Variants in SSBP2 observed in about 807,000 individuals in gnomAD.
SSBP2 encodes single-stranded DNA-binding protein 2.
Under a neutral mutation model 61.8 loss-of-function variants are expected in SSBP2, and 17 were observed. The ratio of observed to expected loss-of-function variants is 0.28; its 90% CI spans 0.19 to 0.41. SSBP2 has a LOEUF of 0.41. Among genes scored for constraint, SSBP2 ranks in the 10% least tolerant of loss-of-function variants. The pLI is 1.00. For synonymous variants in SSBP2, 139 were observed against 141.3 expected (o/e 0.98, Z 0.12); for missense variants, 310 against 458.7 (o/e 0.68, Z 2.96).
chr5:81,710,871 G>A (rs1196143894), intron 1 of SSBP2: 2 of 235,776 alleles, frequency 8.5e-6, no homozygotes, highest in Non-Finnish European at 8.7e-6. Context: ...AAAGAAATCT[G>A]CAAATCAAGT....
At chr5:81,651,983 T>TA (rs1288123185) in intron 1 of SSBP2, among the ~76,000 whole-genome samples, 2 of 151,836 alleles carry the variant, frequency 1.3e-5, no homozygotes, top group Non-Finnish European at 1.5e-5. Flanking sequence ...AAAAAAAACA[T>TA]AGACTCAGGT....
chr5:81,639,935 C>T (rs1307787963), intron 2 of SSBP2, among the ~76,000 whole-genome samples: 1 of 152,144 alleles, frequency 6.6e-6, no homozygotes, highest in East Asian at 1.9e-4. Flanking sequence ...AGTTAAGTGT[C>T]ATTAAAATCA....
At chr5:81,647,235 C>T (rs915295300) in intron 2 of SSBP2, among the ~76,000 whole-genome samples, 1 of 151,992 alleles carries the variant, frequency 6.6e-6, no homozygotes, top group African/African-American at 2.4e-5. Flanking sequence ...TTAATGTCCC[C>T]ACTCCCAAAA....
rs113517043 is a variant in SSBP2, at chr5:81,687,160, G to A, written c.63-36821C>T. The stretch of plus-strand genomic sequence containing the variant: ...CCTACCCGATCACCCGGCAGCGGCC[G>A]CATGGTACGGAGAATCTGTGCCATT... On this transcript the variant is annotated intron_variant, in intron 1 of 16. Coordinates refer to ENST00000320672, the MANE Select transcript of SSBP2 (RefSeq NM_012446.5). 1.9e-3 allele frequency among the ~76,000 whole-genome samples: 293 copies of A among 152,340 alleles called. 2 individuals carry two copies. The highest frequency in any genetic ancestry group is 6.9e-3 in the African/African-American group (286 of 41,580).
At chr5:81,497,592 T>A (rs1470906879) in intron 5 of SSBP2, among the ~76,000 whole-genome samples, 3 of 152,160 alleles carry the variant, frequency 2.0e-5, no homozygotes, top group Non-Finnish European at 4.4e-5. Flanking sequence ...AAAATGCTTA[T>A]AAAGTATGTC....
chr5:81,598,820 G>T (rs1342981505), intron 4 of SSBP2, among the ~76,000 whole-genome samples: 1 of 152,120 alleles, frequency 6.6e-6, no homozygotes, highest in Non-Finnish European at 1.5e-5. Flanking sequence ...ATGTCAAGCA[G>T]CAAGACAACC....
intron 1 of SSBP2, among the ~76,000 whole-genome samples, chr5:81,695,772 A>T (rs1453805325): frequency 6.6e-6 from 1 of 152,012 alleles, no homozygotes; most frequent in Non-Finnish European, 1.5e-5. Context: ...CTTTGCTTTG[A>T]CTAAATGAGG....
chr5:81,594,989 G>A (rs866206321), intron 4 of SSBP2, among the ~76,000 whole-genome samples: 24 of 151,968 alleles, frequency 1.6e-4, no homozygotes, highest in Admixed American at 7.2e-4. Flanking sequence ...AAATAACTAA[G>A]ATCAGAGCAG....
At chr5:81,722,265 C>A (rs909805937) in intron 1 of SSBP2, among the ~76,000 whole-genome samples, 7 of 151,946 alleles carry the variant, frequency 4.6e-5, no homozygotes, top group Admixed American at 2.0e-4. Flanking sequence ...TGATGAAAGC[C>A]TTGTCAAAAA....
chr5:81,541,336 G>A (rs1265066699), intron 4 of SSBP2, among the ~76,000 whole-genome samples: 1 of 151,922 alleles, frequency 6.6e-6, no homozygotes, highest in African/African-American at 2.4e-5. Context: ...TTAAAATGGC[G>A]ATACTGCCTA....
intron 4 of SSBP2, among the ~76,000 whole-genome samples, chr5:81,547,057 A>AAAAAAG (rs1554084425): frequency 2.0e-5 from 3 of 149,024 alleles, no homozygotes; most frequent in Non-Finnish European, 4.5e-5. Context: ...AAAAAAAAAA[A>AAAAAAG]GTCTATCAAG....
chr5:81,715,770 G>C (rs556446277), intron 1 of SSBP2, among the ~76,000 whole-genome samples: 1 of 152,216 alleles, frequency 6.6e-6, no homozygotes, highest in African/African-American at 2.4e-5. Context: ...TAACAAGATA[G>C]ATGGCCAGGT....
chr5:81,485,958 A>T (rs1766349104), intron 6 of SSBP2, among the ~76,000 whole-genome samples: 1 of 152,200 alleles, frequency 6.6e-6, no homozygotes, highest in Non-Finnish European at 1.5e-5. Flanking sequence ...TTCCTAAAAC[A>T]ATATTATTTA....
chr5:81,686,278 G>A lies in SSBP2; in HGVS notation c.63-35939C>T, dbSNP rs533518364. On this transcript the variant is annotated intron_variant, in intron 1 of 16. Coordinates refer to ENST00000320672, the MANE Select transcript of SSBP2 (RefSeq NM_012446.5). Reference sequence around the variant, plus strand: ...CCTAGTTACAGTGATCGCAAGTGAAGATCTGTTGGATATTTTTAATGTAAA... The same window carrying A: ...CCTAGTTACAGTGATCGCAAGTGAAAATCTGTTGGATATTTTTAATGTAAA... 5.3e-5 allele frequency among the ~76,000 whole-genome samples: 8 copies of A among 152,252 alleles called. No individual in the cohort carries two copies. In the East Asian group the frequency reaches 9.6e-4, roughly 18 times the overall value.
At chr5:81,571,796 T>G (rs1223189806) in intron 4 of SSBP2, among the ~76,000 whole-genome samples, 3 of 152,156 alleles carry the variant, frequency 2.0e-5, no homozygotes, top group Non-Finnish European at 2.9e-5. Context: ...TTCTTCTGGC[T>G]GCCTTTTCCT....
chr5:81,591,117 G>A (rs1478605343), intron 4 of SSBP2, among the ~76,000 whole-genome samples: 2 of 152,192 alleles, frequency 1.3e-5, no homozygotes, highest in Admixed American at 6.5e-5. Context: ...CAAGAAGCCG[G>A]AGTTGAAGGC....
At chr5:81,635,596 T>G (rs1748141233) in intron 3 of SSBP2, among the ~76,000 whole-genome samples, 1 of 151,148 alleles carries the variant, frequency 6.6e-6, no homozygotes, top group Admixed American at 6.6e-5. Context: ...TTTTTTTTTT[T>G]TTTTTGAGAC....
At chr5:81,729,359 A>G (rs1021128229) in intron 1 of SSBP2, among the ~76,000 whole-genome samples, 1 of 152,206 alleles carries the variant, frequency 6.6e-6, no homozygotes, top group Non-Finnish European at 1.5e-5. Flanking sequence ...AGCAATTATA[A>G]AACAATGTGA....
At chr5:81,483,137 A>C (rs556385939) in intron 6 of SSBP2, among the ~76,000 whole-genome samples, 1 of 152,312 alleles carries the variant, frequency 6.6e-6, no homozygotes, top group Admixed American at 6.5e-5. Context: ...CAAAACAATT[A>C]CAATAGTCAC....
Sources: allele counts gnomAD v4.1 joint callset (sites outside exome capture counted in the v4.1 genomes callset), GRCh38; gene constraint gnomAD v4.1.1; transcripts MANE v1.5; gene names NCBI Gene and HGNC (gene_info 2026-07-23, HGNC 2026-07-21).